The following SLC9A9 variants were observed in gnomAD, a reference collection of about 807,000 sequenced individuals.
SLC9A9 encodes the protein solute carrier family 9 member A9.
In SLC9A9, 62 loss-of-function variants were observed where a neutral mutation model predicts 77.8. That is an observed-to-expected ratio of 0.80 (90% CI 0.65 to 0.98). SLC9A9 has a LOEUF of 0.98. Ranked by LOEUF, SLC9A9 falls within the 50% of genes least tolerant of loss-of-function variation. The probability of loss-of-function intolerance (pLI) is 0.00; values close to 1 mark genes in which losing one functional copy is unlikely to be tolerated. For synonymous variants in SLC9A9, 320 were observed against 283.5 expected, an observed-to-expected ratio of 1.13 and a Z score of -1.29; for missense variants, 775 against 774.9, an observed-to-expected ratio of 1.00 and a Z score of 0.00.
At chr3:143,773,142 C>G (rs2007579900) in intron 4 of SLC9A9, among the ~76,000 whole-genome samples, 2 of 152,188 alleles carry the variant, frequency 1.3e-5, no homozygotes, top group Admixed American at 1.3e-4. Flanking sequence ...TTAATCTTCA[C>G]TGTAACTAGT....
intron 4 of SLC9A9, among the ~76,000 whole-genome samples, chr3:143,765,023 TTC>T (rs1560069051): frequency 6.7e-6 from 1 of 148,682 alleles, no homozygotes; most frequent in African/African-American, 2.6e-5. Context: ...CTCTTTCTCT[TTC>T]TTTCTCTCTT....
intron 9 of SLC9A9, among the ~76,000 whole-genome samples, chr3:143,548,586 A>G (rs2036828207): frequency 1.3e-5 from 2 of 152,124 alleles, no homozygotes; most frequent in South Asian, 4.1e-4. Context: ...ATGTTCATAT[A>G]CTCTTTAATA....
chr3:143,366,016 A>G (rs991297776), intron 13 of SLC9A9, among the ~76,000 whole-genome samples: 3 of 152,218 alleles, frequency 2.0e-5, no homozygotes, highest in Non-Finnish European at 4.4e-5. Flanking sequence ...GATAATATCT[A>G]CTGATGACTA....
At chr3:143,295,623 C>A (rs1280264583) in intron 14 of SLC9A9, among the ~76,000 whole-genome samples, 1 of 152,184 alleles carries the variant, frequency 6.6e-6, no homozygotes, top group African/African-American at 2.4e-5. Flanking sequence ...ATCACGAACC[C>A]ACAGAGGATG....
chr3:143,519,378 T>G (rs2036257715), intron 9 of SLC9A9, among the ~76,000 whole-genome samples: 2 of 151,928 alleles, frequency 1.3e-5, no homozygotes, highest in Non-Finnish European at 2.9e-5. Context: ...CTAGTTATAG[T>G]GAAGAGCAAG....
intron 11 of SLC9A9, among the ~76,000 whole-genome samples, chr3:143,487,678 T>C (rs984678688): frequency 6.6e-6 from 1 of 151,236 alleles, no homozygotes; most frequent in African/African-American, 2.4e-5. Context: ...AGAAGAAAAA[T>C]TAGAAAATAC....
intron 13 of SLC9A9, among the ~76,000 whole-genome samples, chr3:143,369,876 G>A (rs1046892204): frequency 3.9e-5 from 6 of 152,174 alleles, no homozygotes; most frequent in Non-Finnish European, 5.9e-5. Context: ...TTGTGAGGAC[G>A]CTCAAGAAGC....
At chr3:143,465,887 G>A (rs1330196868) in intron 12 of SLC9A9, among the ~76,000 whole-genome samples, 2 of 152,144 alleles carry the variant, frequency 1.3e-5, no homozygotes, top group African/African-American at 2.4e-5. Flanking sequence ...CTTTTTATGT[G>A]TTTAGCAATA....
chr3:143,505,417 T>A (rs2035997097), intron 9 of SLC9A9, among the ~76,000 whole-genome samples: 1 of 152,230 alleles, frequency 6.6e-6, no homozygotes, highest in Non-Finnish European at 1.5e-5. Context: ...ATATAGATTA[T>A]GTATATGCCT....
At chr3:143,304,120 A>G (rs2030663249) in intron 14 of SLC9A9, among the ~76,000 whole-genome samples, 1 of 152,200 alleles carries the variant, frequency 6.6e-6, no homozygotes, top group Non-Finnish European at 1.5e-5. Context: ...GGATAAGTCA[A>G]ATTGTATCCA....
intron 12 of SLC9A9, among the ~76,000 whole-genome samples, chr3:143,387,597 C>G (rs974287870): frequency 6.6e-6 from 1 of 152,086 alleles, no homozygotes; most frequent in Non-Finnish European, 1.5e-5. Flanking sequence ...TGCACATATT[C>G]CCAGCTGTGC....
chr3:143,688,188 C>T (rs1440887441), intron 5 of SLC9A9, among the ~76,000 whole-genome samples: 1 of 151,826 alleles, frequency 6.6e-6, no homozygotes, highest in African/African-American at 2.4e-5. Context: ...TGGCCTCAAG[C>T]AATCCTCCTG....
At chr3:143,329,651 C>T (rs1030461704) in intron 14 of SLC9A9, among the ~76,000 whole-genome samples, 2 of 152,164 alleles carry the variant, frequency 1.3e-5, no homozygotes, top group Admixed American at 6.5e-5. Flanking sequence ...GAGAAGTGCT[C>T]GCCTCTCTGG....
Position 143,273,874 on chromosome 3 carries a change from C to T in SLC9A9, c.1605-4894G>A, listed in dbSNP as rs543379475. ...GGAATTCTCTGGAGTATTGCCCTCC[C>T]ATATGAGATTCAAATCTTAAATAGT... On this transcript the variant is annotated intron_variant, in intron 14 of 15. Coordinates refer to ENST00000316549, the MANE Select transcript of SLC9A9 (RefSeq NM_173653.4). Among the ~76,000 whole-genome samples, 29 of 152,320 alleles carry T rather than the reference C, an allele frequency of 1.9e-4. 1 individual carries two copies. In the South Asian group the frequency reaches 5.6e-3, roughly 29 times the overall value.
At chr3:143,434,823 CCT>C (rs1225585377) in intron 12 of SLC9A9, among the ~76,000 whole-genome samples, 2 of 152,248 alleles carry the variant, frequency 1.3e-5, no homozygotes, top group East Asian at 3.9e-4. Flanking sequence ...TCCTCCATTA[CCT>C]CTCCACATTC....
At chr3:143,551,683 G>C (rs62269778) in intron 9 of SLC9A9, among the ~76,000 whole-genome samples, 19,757 of 152,186 alleles carry the variant, frequency 0.13, 1,354 homozygotes, top group African/African-American at 0.15. Context: ...CACTATAGAC[G>C]TATTTCTATG....
At chr3:143,348,879 G>A (rs2032374052) in intron 14 of SLC9A9, among the ~76,000 whole-genome samples, 1 of 152,170 alleles carries the variant, frequency 6.6e-6, no homozygotes, top group African/African-American at 2.4e-5. Context: ...CTTTACAAAT[G>A]AAACTGGAGC....
At chr3:143,330,682 CTG>C (rs2031740988) in intron 14 of SLC9A9, among the ~76,000 whole-genome samples, 2 of 152,312 alleles carry the variant, frequency 1.3e-5, no homozygotes, top group South Asian at 4.1e-4. Context: ...CAATGCTTAA[CTG>C]TGTTATAACA....
intron 4 of SLC9A9, among the ~76,000 whole-genome samples, chr3:143,705,035 CTATCTATA>C (rs1424960769): frequency 1.6e-4 from 5 of 31,074 alleles, no homozygotes; most frequent in African/African-American, 5.6e-4. Context: ...ATCTATCTAT[CTATCTATA>C]TAGATATAGA....
Sources: gnomAD v4.1 joint callset for allele counts (sites outside exome capture counted in the v4.1 genomes callset) on GRCh38, gnomAD v4.1.1 for gene constraint, MANE v1.5 for transcripts, NCBI Gene and HGNC (gene_info 2026-07-23, HGNC 2026-07-21) for gene names.